Variants in MME observed in about 807,000 individuals in gnomAD.
The protein encoded by MME is neprilysin.
In MME, 98 loss-of-function variants were observed where a neutral mutation model predicts 113.2. That is an observed-to-expected ratio of 0.87 (90% confidence interval 0.74 to 1.02). The LOEUF (loss-of-function observed/expected upper bound fraction) is 1.02. MME is among the 50% of genes least tolerant of loss of function. The pLI is 0.00. For synonymous variants in MME, 292 were observed against 300.6 expected (o/e 0.97, Z 0.30); for missense variants, 836 against 896.0 (o/e 0.93, Z 0.86).
intron 8 of MME, among the ~76,000 whole-genome samples, chr3:155,130,797 T>C (rs2108288993): frequency 6.6e-6 from 1 of 152,290 alleles, no homozygotes; most frequent in South Asian, 2.1e-4. Context: ...GAGCTAAGAA[T>C]AGAAGTTCCG....
intron 16 of MME, among the ~76,000 whole-genome samples, chr3:155,153,648 G>A (rs1722111195): frequency 6.6e-6 from 1 of 152,154 alleles, no homozygotes; most frequent in South Asian, 2.1e-4. Flanking sequence ...ATATAATTGT[G>A]ATGGGTGTTG....
At chr3:155,087,005 G>T (rs61449455) in intron 3 of MME, among the ~76,000 whole-genome samples, 41,700 of 140,756 alleles carry the variant, frequency 0.3, 6,218 homozygotes, top group East Asian at 0.56. Flanking sequence ...GTTTTTTTTT[G>T]TTTTTTTTTT....
intron 1 of MME, among the ~76,000 whole-genome samples, chr3:155,043,639 T>C (rs59823115): frequency 0.15 from 22,119 of 152,064 alleles, 2,755 homozygotes; most frequent in African/African-American, 0.33. Context: ...GCCTTATGAA[T>C]CTATTTTTCT....
intron 8 of MME, among the ~76,000 whole-genome samples, chr3:155,133,062 A>AAAATATATATATATATAT (rs1553762419): frequency 9.3e-5 from 7 of 75,100 alleles, no homozygotes; most frequent in South Asian, 3.9e-4. Context: ...AAAAAAAAAA[A>AAAATATATATATATATAT]ATATATATAT....
rs61758195 is a variant in MME at position 155,142,758 on chromosome 3, A to G, written c.1188+428A>G. On this transcript the variant is annotated intron_variant, in intron 12 of 22. Coordinates refer to ENST00000360490, the MANE Select transcript of MME (RefSeq NM_007289.4). ...TGAAAGTACCCCTACCTGGAGTTAA[A>G]TAAGACCTTTTCTTAGCCTATACCT... Among the ~76,000 whole-genome samples, 10 of 152,120 alleles carry G rather than the reference A, an allele frequency of 6.6e-5. No individual in the cohort carries two copies. Among genetic ancestry groups the G allele is most frequent in the Non-Finnish European group, 1.2e-4 (8 of 68,008 alleles).
At chr3:155,172,501 A>T in intron 21 of MME, 35 bp from the exon 22 acceptor site, 3 of 1,496,648 alleles carry the variant, frequency 2.0e-6, no homozygotes, top group Non-Finnish European at 2.8e-6. Flanking sequence ...ATTGAACCTG[A>T]GTACATGCTT....
intron 5 of MME, 48 bp downstream of exon 5, chr3:155,116,607 T>TATATATATATA (rs10664276): frequency 3.0e-4 from 438 of 1,442,076 alleles, no homozygotes; most frequent in Admixed American, 1.1e-3. Flanking sequence ...TATATATATA[T>TATATATATATA]TGGTGCCAAA....
intron 1 of MME, among the ~76,000 whole-genome samples, chr3:155,059,828 G>T (rs2108134520): frequency 6.6e-6 from 1 of 152,158 alleles, no homozygotes; most frequent in African/African-American, 2.4e-5. Flanking sequence ...TAATCAATCA[G>T]AAAAGATATA....
intron 1 of MME, among the ~76,000 whole-genome samples, chr3:155,045,089 AT>A (rs1264560862): frequency 6.6e-6 from 1 of 151,382 alleles, no homozygotes; most frequent in Admixed American, 6.6e-5. Context: ...CTTTAAACTG[AT>A]TTTTCAGAAA....
Position 155,177,962 on chromosome 3 carries a change from C to T in MME, c.2154-2398C>T, listed in dbSNP as rs540690425. Among the ~76,000 whole-genome samples the T allele has an allele frequency of 1.6e-3, 242 of 152,234 alleles. 2 individuals carry two copies. Among genetic ancestry groups the T allele is most frequent in the East Asian group, 1.2e-3 (6 of 5,158 alleles). On this transcript the variant is annotated intron_variant, in intron 22 of 22. Transcript: ENST00000360490. ...TCAGTGGTTCCATTTCCTTCCAATG[C>T]TCATGAGCTCCAGAGCCTCCACTCT...
At chr3:155,093,010 C>T (rs754944758) in intron 3 of MME, among the ~76,000 whole-genome samples, 2 of 150,908 alleles carry the variant, frequency 1.3e-5, no homozygotes, top group African/African-American at 4.9e-5. Flanking sequence ...AAAAATTAAT[C>T]GGGTGAATTT....
At chr3:155,129,837 G>A (rs191361469) in intron 8 of MME, among the ~76,000 whole-genome samples, 12 of 152,236 alleles carry the variant, frequency 7.9e-5, no homozygotes, top group Middle Eastern at 3.4e-3. Flanking sequence ...GATACACATG[G>A]CCCATAAACA....
intron 1 of MME, chr3:155,081,518 T>C (rs1715142774): frequency 6.6e-6 from 1 of 152,222 alleles, no homozygotes; most frequent in South Asian, 2.1e-4. Context: ...GTTTAAACTT[T>C]TTATTTAACA....
rs750126146 is a variant in MME, at chr3:155,172,650, T to C, written c.2153+38T>C. Reference sequence around the variant, plus strand: ...GAACAGCAATCAAGGTGCTCTTATATTGGGTCCATTGCTTCCACATTTGGA... The same window carrying C: ...GAACAGCAATCAAGGTGCTCTTATACTGGGTCCATTGCTTCCACATTTGGA... On this transcript the variant is annotated intron_variant, in intron 22 of 22. Coordinates refer to ENST00000360490, the MANE Select transcript of MME (RefSeq NM_007289.4). 23 of 1,391,118 alleles carry C rather than the reference T, an allele frequency of 1.7e-5. No homozygotes were observed. The South Asian group carries it at 1.8e-4, about 11-fold the overall frequency. 86.2% of individuals were successfully genotyped at this position (1,391,118 alleles called of 1,614,324 possible). A position where few individuals can be genotyped will look rare whatever the true frequency, so the allele number is the denominator to read the frequency against.
chr3:155,084,427 G>C, intron 2 of MME, 100 bp downstream of exon 2: 1 of 1,211,144 alleles, frequency 8.3e-7, no homozygotes. Context: ...AAGGATAGAG[G>C]CACTTAAAGA....
intron 1 of MME, among the ~76,000 whole-genome samples, chr3:155,025,452 C>G (rs1032462625): frequency 4.6e-5 from 7 of 151,568 alleles, no homozygotes; most frequent in African/African-American, 1.7e-4. Context: ...AAGTGAAACC[C>G]CATCTCTACA....
intron 1 of MME, among the ~76,000 whole-genome samples, chr3:155,027,012 T>C (rs993441530): frequency 7.9e-5 from 12 of 152,210 alleles, no homozygotes; most frequent in African/African-American, 2.9e-4. Context: ...AATAGATCTA[T>C]TTAGCCTGGG....
chr3:155,041,345 C>T (rs1713311085), intron 1 of MME, among the ~76,000 whole-genome samples: 1 of 152,150 alleles, frequency 6.6e-6, no homozygotes, highest in African/African-American at 2.4e-5. Flanking sequence ...AATTTTACAA[C>T]ATTTCACCTG....
intron 1 of MME, chr3:155,083,447 T>C (rs1715353442): frequency 6.6e-6 from 1 of 152,420 alleles, no homozygotes; most frequent in Non-Finnish European, 1.5e-5. Flanking sequence ...TTTTGTTTAC[T>C]TATCCCCCTT....
Sources: allele counts gnomAD v4.1 joint callset (sites outside exome capture counted in the v4.1 genomes callset), GRCh38; gene constraint gnomAD v4.1.1; transcripts MANE v1.5; gene names NCBI Gene and HGNC (gene_info 2026-07-23, HGNC 2026-07-21).